WTAP: variants seen among roughly 807,000 people sequenced by gnomAD.
The protein encoded by WTAP is pre-mRNA-splicing regulator WTAP.
A neutral mutation model predicts 50.0 loss-of-function variants in WTAP; 8 were observed. That is an observed-to-expected ratio of 0.16 (90% CI 0.09 to 0.29). The LOEUF (loss-of-function observed/expected upper bound fraction) is 0.29, where lower values mean the gene tolerates loss of function less well. Ranked by LOEUF, WTAP falls within the 10% of genes least tolerant of loss-of-function variation. The pLI is 1.00. For missense variants in WTAP, 295 were observed against 470.7 expected (o/e 0.63, Z 3.45); for synonymous variants, 194 against 169.0 (o/e 1.15, Z -1.15).
rs74457504 is a variant in WTAP, at chr6:159,728,081, C to T, written c.-9+378C>T. 2.4e-3 allele frequency among the ~76,000 whole-genome samples: 362 copies of T among 152,358 alleles called. 5 individuals are homozygous for T. Among genetic ancestry groups the T allele is most frequent in the African/African-American group, 8.5e-3 (352 of 41,594 alleles). ...TCTCCTGAGGACCTGGCGGCACTAA[C>T]GAGTTCAGCAAGGAAAAAAAGAAAC... is the stretch of plus-strand genomic sequence containing the variant. On this transcript the variant is annotated intron_variant, in intron 1 of 7. Coordinates refer to ENST00000621533, the MANE Select transcript of WTAP (RefSeq NM_001270531.2).
intron 3 of WTAP, among the ~76,000 whole-genome samples, chr6:159,739,888 T>C (rs1189692845): frequency 6.7e-6 from 1 of 150,352 alleles, no homozygotes; most frequent in Non-Finnish European, 1.5e-5. Context: ...ACAGTTTCCA[T>C]TGCATACCTT....
intron 1 of WTAP, among the ~76,000 whole-genome samples, chr6:159,728,684 A>G (rs1488798550): frequency 1.3e-5 from 2 of 152,248 alleles, no homozygotes; most frequent in Admixed American, 6.5e-5. Flanking sequence ...TCTTTTCAAG[A>G]TGGATACATT....
chr6:159,727,479 C>T, upstream of WTAP: 5 of 931,076 alleles, frequency 5.4e-6, no homozygotes, highest in Non-Finnish European at 6.3e-6. Context: ...TGCGGCGGGG[C>T]GGGGCCGGGC....
chr6:159,745,934 G>A (rs537762735), intron 5 of WTAP, among the ~76,000 whole-genome samples: 1 of 152,220 alleles, frequency 6.6e-6, no homozygotes, highest in South Asian at 2.1e-4. Context: ...AAAAATCTAG[G>A]GAGGAATCAC....
intron 6 of WTAP, among the ~76,000 whole-genome samples, chr6:159,750,066 G>A (rs1779763119): frequency 6.6e-6 from 1 of 151,976 alleles, no homozygotes; most frequent in African/African-American, 2.4e-5. Flanking sequence ...AGGGTGGGTT[G>A]AAGAAGTGGT....
rs1328390020 is a variant in WTAP at position 159,727,659 on chromosome 6, C to T, written c.-53C>T. On this transcript the variant is annotated 5_prime_UTR_variant, in exon 1 of 8. Coordinates refer to ENST00000621533, the MANE Select transcript of WTAP (RefSeq NM_001270531.2). ...GGCGGCAGGGCAAGCAGCGCGGCCT[C>T]GGCCTATGCGACCGGTGGCGCCGGC... 4.1e-6 allele frequency: 4 copies of T among 985,478 alleles called. No individual in the cohort carries two copies. The highest frequency in any genetic ancestry group is 4.8e-6 in the Non-Finnish European group (4 of 830,332). The allele number at this position is 985,478 out of a possible 1,614,324, so 61.0% of individuals were successfully genotyped here.
chr6:159,745,580 G>A (rs1051279679), intron 5 of WTAP, among the ~76,000 whole-genome samples: 1 of 152,068 alleles, frequency 6.6e-6, no homozygotes, highest in East Asian at 1.9e-4. Flanking sequence ...GATTATATAT[G>A]GCAGATGAGG....
chr6:159,728,350 G>A (rs909417043), intron 1 of WTAP, among the ~76,000 whole-genome samples: 3 of 152,010 alleles, frequency 2.0e-5, no homozygotes, highest in Non-Finnish European at 4.4e-5. Context: ...AAAGTCACTT[G>A]GTTGTTTGAT....
Position 159,755,281 on chromosome 6 carries a change from G to A in WTAP, c.861G>A (p.Thr287=), listed in dbSNP as rs149312050. 6 of 1,614,084 alleles carry A rather than the reference G, an allele frequency of 3.7e-6. No homozygotes were observed. Among genetic ancestry groups the A allele is most frequent in the South Asian group, 1.1e-5 (1 of 91,080 alleles). The change falls in exon 8 of 8, where the codon ACG becomes ACA. Residue 287 remains threonine (T), a synonymous_variant. Transcript: ENST00000621533. ...ATGGTAGCTCCTCCCGCCAGAGGAC[G>A]TCTGGGTCTGGATTTCACAGGGAGG... ...PSNGSSSRQR[T]SGSGFHREGN...
intron 3 of WTAP, among the ~76,000 whole-genome samples, chr6:159,739,860 C>T (rs1343853636): frequency 3.9e-5 from 4 of 103,662 alleles, no homozygotes; most frequent in Admixed American, 2.5e-4. Context: ...TTTTTTTTGC[C>T]ATAATCTCAT....
chr6:159,750,100 TCTG>T (rs1419257244), intron 6 of WTAP, among the ~76,000 whole-genome samples: 2 of 152,208 alleles, frequency 1.3e-5, no homozygotes, highest in Non-Finnish European at 2.9e-5. Context: ...CAGCAAGAAA[TCTG>T]CTTCTAAAAT....
upstream of WTAP, chr6:159,726,846 A>G (rs983062647): frequency 3.5e-5 from 45 of 1,289,074 alleles, no homozygotes; most frequent in Admixed American, 8.5e-4. Flanking sequence ...AGTTCTCAAA[A>G]CTTACAGGTG....
intron 4 of WTAP, 83 bp downstream of exon 4, chr6:159,742,229 G>T: frequency 8.2e-7 from 1 of 1,222,748 alleles, no homozygotes; most frequent in Non-Finnish European, 1.2e-6. Flanking sequence ...TTTTATTAAA[G>T]CAAATGTAAT....
chr6:159,728,437 A>AC (rs397963581), intron 1 of WTAP, among the ~76,000 whole-genome samples: 3 of 152,036 alleles, frequency 2.0e-5, no homozygotes, highest in African/African-American at 7.2e-5. Context: ...AAACAAAAAA[A>AC]CTATTATTTA....
At chr6:159,727,110 C>T (rs555376177), upstream of WTAP, 297 of 1,194,096 alleles carry the variant, frequency 2.5e-4, 1 homozygote, top group African/African-American at 4.6e-3. Flanking sequence ...CCGCCCCTCC[C>T]CTCGGCCGCT....
chr6:159,736,222 T>C, intron 1 of WTAP, 36 bp from the exon 2 acceptor site: 1 of 1,575,054 alleles, frequency 6.3e-7, no homozygotes, highest in Non-Finnish European at 8.6e-7. Flanking sequence ...TGGAAGAAAA[T>C]AAATTGAACT....
At position 159,755,331 on chromosome 6, in the gene WTAP, C is replaced by G. The variant is rs1293133707; in HGVS notation, c.911C>G (p.Pro304Arg). Residue 304 changes from proline (P) to arginine (R), a missense_variant, in exon 8 of 8, where the codon CCT (proline) becomes CGT (arginine). Transcript: ENST00000621533. ...REGNTTEDDF[P>R]SSPGNGNKSS... ...GGCAACACAACCGAAGATGACTTTC[C>G]TTCTTCTCCAGGGAATGGTAATAAG... 6.2e-7 allele frequency: 1 copy of G among 1,614,198 alleles called. No individual in the cohort carries two copies. The highest frequency in any genetic ancestry group is 2.2e-5 in the East Asian group (1 of 44,890).
intron 2 of WTAP, among the ~76,000 whole-genome samples, chr6:159,737,355 A>T (rs1284621476): frequency 6.6e-6 from 1 of 152,150 alleles, no homozygotes; most frequent in East Asian, 1.9e-4. Flanking sequence ...GCAGCCTTTC[A>T]ATATGTTACA....
rs146820451 is a variant in WTAP, at chr6:159,732,850, T to TTCTCTC, written c.-8-3390_-8-3385dup. Among the ~76,000 whole-genome samples the TTCTCTC allele has an allele frequency of 5.4e-5, 8 of 147,754 alleles. No individual in the cohort carries two copies. In the East Asian group the frequency reaches 1.2e-3, roughly 22 times the overall value. ...AGGGGGAGTGTCTCTGTCTGCTTCT[T>TTCTCTC]TCTCTCTCTCTCTCTCTCTCTCTGT... On this transcript the variant is annotated intron_variant, in intron 1 of 7. Transcript: ENST00000621533.
Sources: allele counts gnomAD v4.1 joint callset (sites outside exome capture counted in the v4.1 genomes callset), GRCh38; gene constraint gnomAD v4.1.1; transcripts MANE v1.5; gene names NCBI Gene and HGNC (gene_info 2026-07-23, HGNC 2026-07-21).